BCL7A: variants seen among roughly 807,000 people sequenced by gnomAD.
The protein encoded by BCL7A is BAF chromatin remodeling complex subunit BCL7A, also known as B-cell CLL/lymphoma 7 protein family member A.
BCL7A carries 11 observed loss-of-function variants against 28.4 expected under a neutral mutation model. The ratio of observed to expected loss-of-function variants is 0.39; its 90% CI spans 0.24 to 0.64. BCL7A has a LOEUF of 0.64. Among genes scored for constraint, BCL7A ranks in the 30% least tolerant of loss-of-function variants. The pLI, the probability that BCL7A is intolerant of heterozygous loss-of-function variation, is 0.50. For missense variants in BCL7A, 222 were observed against 274.8 expected (o/e 0.81, Z 1.36); for synonymous variants, 123 against 103.3 (o/e 1.19, Z -1.15).
intron 1 of BCL7A, 132 bp downstream of exon 1, chr12:122,022,315 C>A (rs1883481974): frequency 2.7e-6 from 1 of 373,002 alleles, no homozygotes; most frequent in Non-Finnish European, 3.6e-6. Context: ...CGGGACTTGG[C>A]GAGGGCGGGC....
At chr12:122,034,661 G>T (rs982302496) in intron 2 of BCL7A, among the ~76,000 whole-genome samples, 4 of 151,714 alleles carry the variant, frequency 2.6e-5, no homozygotes, top group Non-Finnish European at 5.9e-5. Flanking sequence ...GCTTGAATCT[G>T]GGAGTTGGAG....
chr12:122,027,865 A>C (rs949358240), intron 1 of BCL7A, among the ~76,000 whole-genome samples: 8 of 152,148 alleles, frequency 5.3e-5, no homozygotes, highest in African/African-American at 1.9e-4. Flanking sequence ...AAAAAATAAG[A>C]AAGTGATGAG....
chr12:122,029,706 G>C lies in BCL7A; in HGVS notation c.93-994G>C, dbSNP rs982364506. Among the ~76,000 whole-genome samples the C allele has an allele frequency of 6.6e-6, 1 of 152,164 alleles. No individual in the cohort carries two copies. The highest frequency in any genetic ancestry group is 1.5e-5 in the Non-Finnish European group (1 of 68,018). On this transcript the variant is annotated intron_variant, in intron 1 of 5. Transcript: ENST00000261822. This position sits in a 1 kb window ranked among gnomAD's most constrained non-coding sequence, Gnocchi z 4.3. ...GATCTGGCAGAGTCTTGATTTAGGA[G>C]CCTCGGTTCCAACCCCAGCCCTGCT... is the stretch of plus-strand genomic sequence containing the variant.
Position 122,021,955 on chromosome 12 carries a change from T to TGTGA in BCL7A, c.-133_-130dup, listed in dbSNP as rs1555222281. ...ATGTGTGTGTGTGTGTGTGTGTGTG[T>TGTGA]GTGAGTGTGTGCGTGTGAGAGTGCG... is the stretch of plus-strand genomic sequence containing the variant. On this transcript the variant is annotated 5_prime_UTR_variant, in exon 1 of 6. Coordinates refer to ENST00000261822, the MANE Select transcript of BCL7A (RefSeq NM_001024808.3). 52 of 592,752 alleles carry TGTGA rather than the reference T, an allele frequency of 8.8e-5. No homozygotes were observed. The highest frequency in any genetic ancestry group is 5.4e-4 in the African/African-American group (28 of 51,840). 36.7% of individuals were successfully genotyped at this position (592,752 alleles called of 1,614,324 possible).
intron 5 of BCL7A, among the ~76,000 whole-genome samples, chr12:122,058,876 C>T (rs1028852966): frequency 1.6e-4 from 25 of 152,096 alleles, no homozygotes; most frequent in African/African-American, 4.6e-4. Flanking sequence ...GGGGACACCG[C>T]GCTCCATAGC....
intron 5 of BCL7A, among the ~76,000 whole-genome samples, chr12:122,057,667 C>G (rs1951888131): frequency 6.6e-6 from 1 of 151,978 alleles, no homozygotes; most frequent in African/African-American, 2.4e-5. Flanking sequence ...TTTGAGAGGC[C>G]CAAGACAATT....
intron 3 of BCL7A, among the ~76,000 whole-genome samples, chr12:122,038,431 C>CAAAAAAAAAAAAAAAAAAAAAAAAA: frequency 3.0e-5 from 1 of 33,554 alleles, no homozygotes. Flanking sequence ...GACTCTGCCT[C>CAAAAAAAAAAAAAAAAAAAAAAAAA]AAAAAAAAAA....
chr12:122,040,698 T>C (rs1883948477), intron 3 of BCL7A, among the ~76,000 whole-genome samples: 1 of 151,048 alleles, frequency 6.6e-6, no homozygotes, highest in Admixed American at 6.6e-5. Context: ...GACTGCAGAG[T>C]GTGTAAATGG....
rs185268832 is a variant in BCL7A, at chr12:122,061,807, T to C, written c.*2644T>C. On this transcript the variant is annotated 3_prime_UTR_variant, in exon 6 of 6. Coordinates refer to ENST00000261822, the MANE Select transcript of BCL7A (RefSeq NM_001024808.3). ...CTGTGGACCGATTCCTCTAGGGTGGTGACCTCCCATTAGCAAACGGTGTCA... is the reference window on the plus strand; with the variant it reads ...CTGTGGACCGATTCCTCTAGGGTGGCGACCTCCCATTAGCAAACGGTGTCA... The C allele has an allele frequency of 1.3e-5, 3 of 228,816 alleles. No homozygotes were observed. The highest frequency in any genetic ancestry group is 4.4e-5 in the African/African-American group (2 of 45,108). The allele number at this position is 228,816 out of a possible 1,614,324, so 14.2% of individuals were successfully genotyped here. A position where few individuals can be genotyped will look rare whatever the true frequency, so the allele number is the denominator to read the frequency against.
chr12:122,039,606 C>A (rs1360514419), intron 3 of BCL7A, among the ~76,000 whole-genome samples: 1 of 149,554 alleles, frequency 6.7e-6, no homozygotes, highest in East Asian at 1.9e-4. Flanking sequence ...GTCATCCCAG[C>A]ACTTTAGGAG....
intron 5 of BCL7A, among the ~76,000 whole-genome samples, chr12:122,058,425 G>A (rs1295707526): frequency 1.3e-5 from 2 of 152,228 alleles, no homozygotes; most frequent in East Asian, 3.9e-4. Flanking sequence ...CTGGGAGGCC[G>A]AGGTGGGCAG....
chr12:122,039,769 C>G (rs966055978), intron 3 of BCL7A, among the ~76,000 whole-genome samples: 22 of 151,340 alleles, frequency 1.5e-4, no homozygotes, highest in Admixed American at 1.4e-3. Context: ...AGGAGAATCA[C>G]TTGAACCTGG....
At position 122,043,008 on chromosome 12, in the gene BCL7A, CT is replaced by C. The variant is rs1247246256; in HGVS notation, c.272-864del. Among the ~76,000 whole-genome samples the C allele has an allele frequency of 1.9e-3, 272 of 144,856 alleles. 1 individual carries two copies. The highest frequency in any genetic ancestry group is 1.9e-3 in the Non-Finnish European group (125 of 65,658). On this transcript the variant is annotated intron_variant, in intron 3 of 5. Transcript: ENST00000261822. ...TCTAAAGTCATCTCCCCTCCCCCAA[CT>C]TTTTTTTTTTTTTAAATATGATACT...
rs375775431 is a variant in BCL7A, at chr12:122,043,983, G to A, written c.369G>A (p.Val123=). ...CCGCTCCAGAGCCCAACTCGGCTGTGCCCAGCGACGGCACCGAGGCCAAGG... is the reference window on the plus strand; with the variant it reads ...CCGCTCCAGAGCCCAACTCGGCTGTACCCAGCGACGGCACCGAGGCCAAGG... ...SSPAPEPNSA[V]PSDGTEAKVD... is the part of the protein sequence containing the mutation. The change falls in exon 4 of 6, where the codon GTG becomes GTA. Residue 123 remains valine (V), a synonymous_variant. Transcript: ENST00000261822. 28 of 1,613,928 alleles carry A rather than the reference G, an allele frequency of 1.7e-5. No homozygotes were observed. The African/African-American group carries it at 3.6e-4, about 21-fold the overall frequency.
chr12:122,025,074 G>A (rs1883586610), intron 1 of BCL7A, among the ~76,000 whole-genome samples: 1 of 152,156 alleles, frequency 6.6e-6, no homozygotes, highest in Admixed American at 6.6e-5. Flanking sequence ...GAGGTGACCA[G>A]AAGATGGCTA....
rs1951907992 is a variant in BCL7A at position 122,060,036 on chromosome 12, G to GA, written c.*875dup. On this transcript the variant is annotated 3_prime_UTR_variant, in exon 6 of 6. Coordinates refer to ENST00000261822, the MANE Select transcript of BCL7A (RefSeq NM_001024808.3). Reference sequence around the variant, plus strand: ...CATCACTGCTTTCTCCCAGACCTCCGAATACGAAATGGCTTCTCTGGCTGA... The same window carrying GA: ...CATCACTGCTTTCTCCCAGACCTCCGAAATACGAAATGGCTTCTCTGGCTGA... The GA allele has an allele frequency of 4.3e-6, 1 of 233,192 alleles. No individual in the cohort carries two copies. Among genetic ancestry groups the GA allele is most frequent in the Non-Finnish European group, 8.5e-6 (1 of 117,874 alleles). 14.4% of individuals were successfully genotyped at this position (233,192 alleles called of 1,614,324 possible). A position where few individuals can be genotyped will look rare whatever the true frequency, so the allele number is the denominator to read the frequency against.
intron 2 of BCL7A, 88 bp downstream of exon 2, chr12:122,030,869 C>A: frequency 7.4e-7 from 1 of 1,354,930 alleles, no homozygotes; most frequent in Non-Finnish European, 1.1e-6. Context: ...TGCTACCCAC[C>A]GTGCTGGGGC....
At chr12:122,049,030 A>AT (rs1565941476) in intron 4 of BCL7A, among the ~76,000 whole-genome samples, 5,556 of 79,700 alleles carry the variant, frequency 0.07, 131 homozygotes, top group Middle Eastern at 0.13. Context: ...AAAAAAAAAA[A>AT]AAAAAATATA....
At chr12:122,033,827 A>C (rs1447470473) in intron 2 of BCL7A, among the ~76,000 whole-genome samples, 2 of 152,190 alleles carry the variant, frequency 1.3e-5, no homozygotes, top group African/African-American at 2.4e-5. Flanking sequence ...CTGTAATTCC[A>C]GAACATTTTC....
Sources: gnomAD v4.1 joint callset for allele counts (sites outside exome capture counted in the v4.1 genomes callset) on GRCh38, gnomAD v4.1.1 for gene constraint, Gnocchi (gnomAD v3.1) non-coding constraint, MANE v1.5 for transcripts, NCBI Gene and HGNC (gene_info 2026-07-23, HGNC 2026-07-21) for gene names.